The following ATP6V1A variants were observed in gnomAD, a reference collection of about 807,000 sequenced individuals.
ATP6V1A encodes the protein ATPase H+ transporting V1 subunit A, also known as V-type proton ATPase catalytic subunit A.
Under a neutral mutation model 70.1 loss-of-function variants are expected in ATP6V1A, and 18 were observed. The observed-to-expected ratio is 0.26, with a 90% confidence interval of 0.18 to 0.38. The LOEUF (loss-of-function observed/expected upper bound fraction) is 0.38, where lower values mean the gene tolerates loss of function less well. Ranked by LOEUF, ATP6V1A falls within the 10% of genes least tolerant of loss-of-function variation. The pLI is 1.00. For missense variants in ATP6V1A, 424 were observed against 772.4 expected (o/e 0.55, Z 5.35); for synonymous variants, 232 against 253.8 (o/e 0.91, Z 0.82).
intron 14 of ATP6V1A, 118 bp downstream of exon 14, chr3:113,805,643 A>G (rs537086051): frequency 4.0e-6 from 4 of 1,005,174 alleles, no homozygotes; most frequent in South Asian, 3.4e-5. Context: ...ATCTTGTCTC[A>G]CTGCAACCTC....
chr3:113,808,078 T>C (rs1709297005), intron 14 of ATP6V1A, among the ~76,000 whole-genome samples: 2 of 146,256 alleles, frequency 1.4e-5, no homozygotes, highest in South Asian at 4.3e-4. Context: ...TGCGGTGAGC[T>C]GAGATCACAC....
chr3:113,756,349 C>T (rs985323342), intron 1 of ATP6V1A, among the ~76,000 whole-genome samples: 1 of 152,182 alleles, frequency 6.6e-6, no homozygotes, highest in Non-Finnish European at 1.5e-5. Flanking sequence ...TTTTGTACAT[C>T]TACAATAAAT....
chr3:113,782,934 G>A (rs1273119034), intron 3 of ATP6V1A, among the ~76,000 whole-genome samples: 2 of 152,018 alleles, frequency 1.3e-5, no homozygotes, highest in Non-Finnish European at 2.9e-5. Flanking sequence ...TCACTTAAAA[G>A]TATGTGTATT....
chr3:113,802,452 C>G (rs1204080076), intron 12 of ATP6V1A, among the ~76,000 whole-genome samples: 1 of 150,416 alleles, frequency 6.6e-6, no homozygotes, highest in Non-Finnish European at 1.5e-5. Flanking sequence ...TGCCTCAGCC[C>G]CCCGAGTAGC....
intron 14 of ATP6V1A, among the ~76,000 whole-genome samples, chr3:113,807,369 G>A (rs1302009005): frequency 9.9e-5 from 15 of 151,070 alleles, no homozygotes; most frequent in Non-Finnish European, 2.1e-4. Flanking sequence ...TAGTAGAGAC[G>A]GGGGTTTCTC....
At chr3:113,797,042 T>C (rs1297272876) in intron 11 of ATP6V1A, among the ~76,000 whole-genome samples, 2 of 152,110 alleles carry the variant, frequency 1.3e-5, no homozygotes, top group Admixed American at 1.3e-4. Flanking sequence ...TTCAAGTGAT[T>C]CTCCTGCCTC....
chr3:113,759,520 T>C (rs1346291345), intron 1 of ATP6V1A, among the ~76,000 whole-genome samples: 1 of 151,888 alleles, frequency 6.6e-6, no homozygotes, highest in Non-Finnish European at 1.5e-5. Context: ...TTATATGTGT[T>C]CTACCATTCA....
chr3:113,784,147 C>T (rs1414612828), intron 3 of ATP6V1A, 77 bp from the exon 4 acceptor site: 1 of 1,378,546 alleles, frequency 7.3e-7, no homozygotes, highest in East Asian at 2.3e-5. Context: ...GTGGCATTTC[C>T]TTGTTAAACT....
At chr3:113,753,157 A>G (rs921974884) in intron 1 of ATP6V1A, among the ~76,000 whole-genome samples, 2 of 152,226 alleles carry the variant, frequency 1.3e-5, no homozygotes, top group African/African-American at 2.4e-5. Context: ...TGGATAAAAC[A>G]TGTCACCAGA....
At chr3:113,758,070 G>A (rs1708664544) in intron 1 of ATP6V1A, among the ~76,000 whole-genome samples, 1 of 152,240 alleles carries the variant, frequency 6.6e-6, no homozygotes, top group South Asian at 2.1e-4. Context: ...CTTGAACCTA[G>A]GAGGCAGAGG....
intron 3 of ATP6V1A, among the ~76,000 whole-genome samples, chr3:113,783,929 AT>A (rs1229429822): frequency 6.6e-6 from 1 of 151,974 alleles, no homozygotes; most frequent in Admixed American, 6.6e-5. Flanking sequence ...AATTAATATT[AT>A]TTTTTCTTTC....
chr3:113,794,858 T>C lies in ATP6V1A; in HGVS notation c.989-14T>C. On this transcript the variant is annotated splice_polypyrimidine_tract_variant and intron_variant, in intron 8 of 14. Coordinates refer to ENST00000273398, the MANE Select transcript of ATP6V1A (RefSeq NM_001690.4). ...CTAGCATTGTAACTTATAATAATAT[T>C]CTTCCCAATTTAGGAATCACACTGT... is the stretch of plus-strand genomic sequence containing the variant. 1 of 1,594,328 alleles carries C rather than the reference T, an allele frequency of 6.3e-7. No homozygotes were observed. The highest frequency in any genetic ancestry group is 8.5e-7 in the Non-Finnish European group (1 of 1,174,730).
rs997160468 is a variant in ATP6V1A at position 113,759,292 on chromosome 3, T to G, written c.-14+12179T>G. 7.3e-5 allele frequency among the ~76,000 whole-genome samples: 11 copies of G among 151,564 alleles called. No homozygotes were observed. The East Asian group carries it at 7.7e-4, about 11-fold the overall frequency. ...ATTTTTCTATATAGTTACGGGTTTT[T>G]TTTTTTTTTTGCATTTTATGTATAC... On this transcript the variant is annotated intron_variant, in intron 1 of 14. Transcript: ENST00000273398.
At chr3:113,773,681 G>A (rs1336069214) in intron 1 of ATP6V1A, among the ~76,000 whole-genome samples, 3 of 152,016 alleles carry the variant, frequency 2.0e-5, no homozygotes, top group Non-Finnish European at 2.9e-5. Context: ...TTAGAATACC[G>A]TCCTGAACCA....
At chr3:113,767,738 G>A (rs1327224288) in intron 1 of ATP6V1A, among the ~76,000 whole-genome samples, 3 of 151,876 alleles carry the variant, frequency 2.0e-5, no homozygotes, top group Non-Finnish European at 4.4e-5. Context: ...TGCAACCTCC[G>A]CCTCCTGGGT....
chr3:113,801,702 A>G (rs981459086), intron 12 of ATP6V1A, among the ~76,000 whole-genome samples: 7 of 152,224 alleles, frequency 4.6e-5, no homozygotes, highest in Non-Finnish European at 1.0e-4. Flanking sequence ...GATGAAATAC[A>G]TGAGAGCTGG....
intron 1 of ATP6V1A, among the ~76,000 whole-genome samples, chr3:113,760,554 C>G (rs1444724062): frequency 6.7e-6 from 1 of 148,248 alleles, no homozygotes; most frequent in Non-Finnish European, 1.5e-5. Context: ...TGGTGAAACC[C>G]TGTCTCTACT....
rs1294127545 is a variant in ATP6V1A, at chr3:113,784,291, C to T, written c.279C>T (p.Gly93=). ...CCCTCTCTGTAGAGCTTGGTCCTGG[C>T]ATTATGGGAGCCATTTTTGATGGTA... is the stretch of plus-strand genomic sequence containing the variant. ...GKPLSVELGP[G]IMGAIFDGIQ... The change falls in exon 4 of 15, where the codon GGC becomes GGT. Residue 93 remains glycine, a synonymous_variant. Transcript: ENST00000273398. 5 of 1,614,042 alleles carry T rather than the reference C, an allele frequency of 3.1e-6. No homozygotes were observed. Among genetic ancestry groups the T allele is most frequent in the Admixed American group, 1.7e-5 (1 of 60,002 alleles).
intron 12 of ATP6V1A, among the ~76,000 whole-genome samples, chr3:113,801,465 G>T (rs1709211503): frequency 2.6e-5 from 4 of 152,196 alleles, no homozygotes; most frequent in Admixed American, 2.6e-4. Flanking sequence ...GGGGACAGAG[G>T]AGCTGGTGGG....
Sources: allele counts gnomAD v4.1 joint callset (sites outside exome capture counted in the v4.1 genomes callset), GRCh38; gene constraint gnomAD v4.1.1; transcripts MANE v1.5; gene names NCBI Gene and HGNC (gene_info 2026-07-23, HGNC 2026-07-21).